ZFHX3: variants seen among roughly 807,000 people sequenced by gnomAD.
ZFHX3 encodes the protein zinc finger homeobox 3, also known as zinc finger homeobox protein 3.
Under a neutral mutation model 279.1 loss-of-function variants are expected in ZFHX3, and 42 were observed. The observed-to-expected ratio is 0.15, with a 90% CI of 0.12 to 0.19. The LOEUF is 0.19. Among genes scored for constraint, ZFHX3 ranks in the 10% least tolerant of loss-of-function variants. The pLI, the probability that ZFHX3 is intolerant of heterozygous loss-of-function variation, is 1.00. For synonymous variants in ZFHX3, 2,293 were observed against 1,957.8 expected (o/e 1.17, Z -4.52); for missense variants, 4,981 against 4,754.0 (o/e 1.05, Z -1.40).
At chr16:73,111,882 G>A (rs1439559328) in intron 7 of ZFHX3, among the ~76,000 whole-genome samples, 1 of 152,112 alleles carries the variant, frequency 6.6e-6, no homozygotes, top group East Asian at 1.9e-4. Flanking sequence ...TTTATGGATG[G>A]GAAAACGAGG....
At chr16:73,540,478 A>T (rs1465167100) in intron 2 of ZFHX3, among the ~76,000 whole-genome samples, 2 of 152,218 alleles carry the variant, frequency 1.3e-5, no homozygotes, top group African/African-American at 4.8e-5. Context: ...AAGAGAATCT[A>T]GTCTATGCCT....
At chr16:72,874,198 ATTTTTTTTT>A (rs565664402) in intron 4 of ZFHX3, among the ~76,000 whole-genome samples, 47,224 of 95,108 alleles carry the variant, frequency 0.5, 9,596 homozygotes, top group East Asian at 0.59. Context: ...GGATTTTTTG[ATTTTTTTTT>A]TTTTTTTTTT....
At chr16:73,555,909 G>A (rs1043283235) in intron 2 of ZFHX3, among the ~76,000 whole-genome samples, 3 of 152,050 alleles carry the variant, frequency 2.0e-5, no homozygotes, top group African/African-American at 7.2e-5. Flanking sequence ...GGGGCCCAAA[G>A]CCAGGCTTTG....
chr16:73,058,202 G>C (rs1317600184), intron 1 of ZFHX3, among the ~76,000 whole-genome samples: 1 of 145,676 alleles, frequency 6.9e-6, no homozygotes, highest in Non-Finnish European at 1.5e-5. Flanking sequence ...GGCCGGCGGC[G>C]GCGGCGCGGG....
chr16:73,082,392 C>G (rs764063137), intron 8 of ZFHX3, among the ~76,000 whole-genome samples: 1 of 152,010 alleles, frequency 6.6e-6, no homozygotes, highest in South Asian at 2.1e-4. Flanking sequence ...CTCAGCCTCC[C>G]GAATAGCTGG....
At chr16:73,611,218 A>T (rs2052242395) in intron 2 of ZFHX3, among the ~76,000 whole-genome samples, 1 of 152,190 alleles carries the variant, frequency 6.6e-6, no homozygotes, top group African/African-American at 2.4e-5. Flanking sequence ...AGGCAGGACA[A>T]TCATTTATTC....
intron 3 of ZFHX3, among the ~76,000 whole-genome samples, chr16:73,427,771 T>TAAA (rs767091672): frequency 1.6e-4 from 23 of 139,922 alleles, no homozygotes; most frequent in Non-Finnish European, 3.3e-4. Context: ...CTGTCTCTAC[T>TAAA]AAAAAAAAAA....
chr16:73,140,958 G>A (rs1433847142), intron 6 of ZFHX3, among the ~76,000 whole-genome samples: 4 of 152,162 alleles, frequency 2.6e-5, no homozygotes, highest in Admixed American at 2.0e-4. Flanking sequence ...GAGATAAGAA[G>A]CCCCTCTCTT....
chr16:73,666,052 G>C (rs2052838997), intron 2 of ZFHX3, among the ~76,000 whole-genome samples: 1 of 151,704 alleles, frequency 6.6e-6, no homozygotes, highest in African/African-American at 2.4e-5. Context: ...TCCTGACCTT[G>C]CGATCCACCC....
upstream of ZFHX3, among the ~76,000 whole-genome samples, chr16:73,051,652 A>G (rs892823407): frequency 6.6e-6 from 1 of 152,230 alleles, no homozygotes. Flanking sequence ...ATATCCCACA[A>G]CAAAGATACA....
intron 1 of ZFHX3, among the ~76,000 whole-genome samples, chr16:73,684,926 C>G (rs185769084): frequency 2.0e-5 from 3 of 152,156 alleles, no homozygotes; most frequent in Admixed American, 1.3e-4. Flanking sequence ...GTCTTGAACT[C>G]CTGACCTCAT....
chr16:73,673,745 G>T (rs2052926497), intron 2 of ZFHX3, among the ~76,000 whole-genome samples: 2 of 152,206 alleles, frequency 1.3e-5, no homozygotes, highest in Admixed American at 1.3e-4. Context: ...GGGCAGAACA[G>T]GGATAACAGC....
intron 4 of ZFHX3, among the ~76,000 whole-genome samples, chr16:73,275,430 G>T (rs1380144150): frequency 1.3e-5 from 2 of 152,022 alleles, no homozygotes; most frequent in African/African-American, 2.4e-5. Context: ...GGGGCTCAGG[G>T]GACAAGATCA....
chr16:73,716,356 C>T (rs989173362), intron 1 of ZFHX3, among the ~76,000 whole-genome samples: 6 of 152,164 alleles, frequency 3.9e-5, no homozygotes, highest in Non-Finnish European at 7.3e-5. Context: ...GCCACAGATT[C>T]AGCATGTAAT....
At chr16:73,476,223 G>C (rs1185360489) in intron 2 of ZFHX3, among the ~76,000 whole-genome samples, 1 of 151,884 alleles carries the variant, frequency 6.6e-6, no homozygotes, top group Non-Finnish European at 1.5e-5. Context: ...TATCCAACTG[G>C]TGTTGAATAA....
chr16:73,795,493 A>C (rs1022463170), intron 1 of ZFHX3, among the ~76,000 whole-genome samples: 1 of 152,216 alleles, frequency 6.6e-6, no homozygotes. Flanking sequence ...TGACAAGAAC[A>C]GAGAACCACC....
intron 4 of ZFHX3, among the ~76,000 whole-genome samples, chr16:73,281,014 G>GGAGAGGAGA (rs2014443286): frequency 8.6e-6 from 1 of 115,838 alleles, no homozygotes; most frequent in Non-Finnish European, 1.9e-5. Flanking sequence ...TGAAGGGAAA[G>GGAGAGGAGA]GAGAGGAGAG....
At position 73,377,786 on chromosome 16, in the gene ZFHX3, C is replaced by T. The variant is rs1276926483; in HGVS notation, c.-1290-59450G>A. Among the ~76,000 whole-genome samples the T allele has an allele frequency of 2.0e-5, 3 of 151,508 alleles. No individual in the cohort carries two copies. The South Asian group carries it at 6.3e-4, about 32-fold the overall frequency. On this transcript the variant is annotated intron_variant, in intron 3 of 17. Coordinates refer to the ZFHX3 transcript ENST00000641206. ...CGGTGGCTCACGCCTGTAATCCCAG[C>T]ACTTTGGGAGGCTGAGGCGGGCAGA...
At chr16:72,994,175 C>T (rs1031467505) in intron 1 of ZFHX3, among the ~76,000 whole-genome samples, 11 of 152,194 alleles carry the variant, frequency 7.2e-5, no homozygotes, top group Admixed American at 3.9e-4. Flanking sequence ...GGGACCTTAT[C>T]AAAAGCTTTT....
Sources: gnomAD v4.1 joint callset for allele counts (sites outside exome capture counted in the v4.1 genomes callset) on GRCh38, gnomAD v4.1.1 for gene constraint, MANE v1.5 for transcripts, NCBI Gene and HGNC (gene_info 2026-07-23, HGNC 2026-07-21) for gene names.